Variants in MEF2C observed in about 807,000 individuals in gnomAD.
The protein encoded by MEF2C is myocyte-specific enhancer factor 2C.
MEF2C carries 6 observed loss-of-function variants against 50.5 expected under a neutral mutation model. The observed-to-expected ratio is 0.12, with a 90% CI of 0.07 to 0.23. The LOEUF is 0.23. MEF2C is among the 10% of genes least tolerant of loss of function. The pLI is 1.00. For synonymous variants in MEF2C, 183 were observed against 228.0 expected (o/e 0.80, Z 1.78); for missense variants, 276 against 605.0 (o/e 0.46, Z 5.70).
chr5:88,743,864 TTA>T, intron 6 of MEF2C: 1 of 963,598 alleles, frequency 1.0e-6, no homozygotes, highest in African/African-American at 1.8e-5. Context: ...AAAACAGATG[TTA>T]GTTTCTTTTT....
intron 6 of MEF2C, chr5:88,742,157 A>G: frequency 2.0e-6 from 2 of 985,254 alleles, no homozygotes; most frequent in East Asian, 1.1e-4. Flanking sequence ...CTGATTTCCA[A>G]AAGAGGGGGT....
chr5:88,760,569 A>G (rs951186057), intron 4 of MEF2C, among the ~76,000 whole-genome samples: 2 of 152,242 alleles, frequency 1.3e-5, no homozygotes, highest in African/African-American at 4.8e-5. Flanking sequence ...GTCAGTTTAC[A>G]TGAAAGAATT....
At chr5:88,738,993 A>G in intron 6 of MEF2C, 3 of 980,298 alleles carry the variant, frequency 3.1e-6, no homozygotes, top group Non-Finnish European at 3.6e-6. Flanking sequence ...TTTTAAAAGT[A>G]GATTTTGTAA....
chr5:88,729,669 T>C, intron 8 of MEF2C: 2 of 297,010 alleles, frequency 6.7e-6, no homozygotes, highest in Non-Finnish European at 1.3e-5. Flanking sequence ...GTTTCAGTTT[T>C]CATTCAAATG....
At chr5:88,869,258 T>TATACAC (rs1169486782) in intron 1 of MEF2C, among the ~76,000 whole-genome samples, 1 of 64,962 alleles carries the variant, frequency 1.5e-5, no homozygotes, top group African/African-American at 8.5e-5. Context: ...TTTTCATATA[T>TATACAC]ATATATATAT....
intron 6 of MEF2C, chr5:88,733,359 G>A (rs1762496705): frequency 1.0e-6 from 1 of 985,340 alleles, no homozygotes; most frequent in Non-Finnish European, 1.2e-6. Context: ...GGGTTGGGCT[G>A]TGGAGATCTC....
Position 88,731,713 on chromosome 5 carries a change from T to TTC in MEF2C, c.810+15_810+16insGA. 1 of 1,605,936 alleles carries TTC rather than the reference T, an allele frequency of 6.2e-7. No individual in the cohort carries two copies. Among genetic ancestry groups the TTC allele is most frequent in the South Asian group, 1.1e-5 (1 of 90,846 alleles). ...AAACATTATCAATATTTATTTAAAATGTAGTTTTGTATTACCACTGATGGC... is the reference window on the plus strand; with the variant it reads ...AAACATTATCAATATTTATTTAAAATTCGTAGTTTTGTATTACCACTGATGGC... On this transcript the variant is annotated intron_variant, in intron 7 of 10. Transcript: ENST00000504921.
At chr5:88,773,573 C>A (rs1006812573) in intron 3 of MEF2C, among the ~76,000 whole-genome samples, 2 of 152,170 alleles carry the variant, frequency 1.3e-5, no homozygotes, top group Non-Finnish European at 2.9e-5. Flanking sequence ...AGTCTCCTGA[C>A]GACTTTCCAT....
intron 1 of MEF2C, chr5:88,825,899 G>T (rs188301781): frequency 2.6e-5 from 4 of 152,188 alleles, no homozygotes; most frequent in Admixed American, 2.6e-4. Context: ...ACAGGACTAT[G>T]CCTGCCTAAG....
intron 6 of MEF2C, chr5:88,744,191 A>T: frequency 1.1e-6 from 1 of 897,178 alleles, no homozygotes; most frequent in Non-Finnish European, 1.3e-6. Flanking sequence ...ATTTCCATTA[A>T]ATCTAATGAC....
At chr5:88,837,571 G>A (rs1450497367) in intron 1 of MEF2C, among the ~76,000 whole-genome samples, 5 of 152,014 alleles carry the variant, frequency 3.3e-5, no homozygotes, top group South Asian at 2.1e-4. Context: ...AAAGGGAGCC[G>A]GGTTCAGTCT....
intron 10 of MEF2C, among the ~76,000 whole-genome samples, chr5:88,723,769 A>G (rs1013651971): frequency 6.6e-6 from 1 of 152,216 alleles, no homozygotes; most frequent in African/African-American, 2.4e-5. Flanking sequence ...GCATTAGTTG[A>G]TGAATCTGGT....
At chr5:88,751,592 T>C in intron 5 of MEF2C, 7 of 925,156 alleles carry the variant, frequency 7.6e-6, no homozygotes, top group Non-Finnish European at 9.0e-6. Context: ...ACATCCTGTT[T>C]GAGAGTATGT....
chr5:88,738,273 A>G, intron 6 of MEF2C: 1 of 985,282 alleles, frequency 1.0e-6, no homozygotes, highest in Non-Finnish European at 1.2e-6. Flanking sequence ...CTTACCATCC[A>G]ACAATATTAG....
intron 3 of MEF2C, chr5:88,770,064 A>G: frequency 2.2e-6 from 2 of 905,016 alleles, no homozygotes; most frequent in Non-Finnish European, 2.6e-6. Context: ...AGGAAGGAAA[A>G]GACAAGACAG....
intron 3 of MEF2C, among the ~76,000 whole-genome samples, chr5:88,792,305 C>A (rs1295350451): frequency 6.6e-6 from 1 of 152,126 alleles, no homozygotes; most frequent in Admixed American, 6.6e-5. Flanking sequence ...GGACAACTTG[C>A]AAGTGCTTTC....
intron 1 of MEF2C, among the ~76,000 whole-genome samples, chr5:88,858,056 T>C (rs1439828833): frequency 2.0e-5 from 3 of 152,226 alleles, no homozygotes; most frequent in Admixed American, 1.3e-4. Flanking sequence ...CATAAGAATA[T>C]CCAGCAAAGT....
chr5:88,807,281 C>G (rs1043861905), intron 2 of MEF2C, among the ~76,000 whole-genome samples: 1 of 152,038 alleles, frequency 6.6e-6, no homozygotes, highest in African/African-American at 2.4e-5. Context: ...TGGAGTGTAG[C>G]GGTACTAGAA....
chr5:88,751,750 G>C (rs1772849934), intron 5 of MEF2C, 107 bp downstream of exon 5: 20 of 1,277,794 alleles, frequency 1.6e-5, no homozygotes, highest in Non-Finnish European at 2.2e-5. Context: ...CCATGAAGGA[G>C]AGTAAGTGGA....
Sources: gnomAD v4.1 joint callset for allele counts (sites outside exome capture counted in the v4.1 genomes callset) on GRCh38, gnomAD v4.1.1 for gene constraint, MANE v1.5 for transcripts, NCBI Gene and HGNC (gene_info 2026-07-23, HGNC 2026-07-21) for gene names.